SOX13: variants seen among roughly 807,000 people sequenced by gnomAD.
The protein encoded by SOX13 is SRY-box transcription factor 13, also known as transcription factor SOX-13.
SOX13 carries 28 observed loss-of-function variants against 71.8 expected under a neutral mutation model. That is an observed-to-expected ratio of 0.39 (90% CI 0.29 to 0.53). The LOEUF (loss-of-function observed/expected upper bound fraction) is 0.53. Ranked by LOEUF, SOX13 falls within the 20% of genes least tolerant of loss-of-function variation. The pLI, the probability that SOX13 is intolerant of heterozygous loss-of-function variation, is 0.70. For synonymous variants in SOX13, 309 were observed against 317.8 expected, an observed-to-expected ratio of 0.97 and a Z score of 0.29; for missense variants, 627 against 810.3, an observed-to-expected ratio of 0.77 and a Z score of 2.75.
chr1:204,098,232 C>T (rs1476782635), intron 1 of SOX13, among the ~76,000 whole-genome samples: 1 of 152,166 alleles, frequency 6.6e-6, no homozygotes, highest in Non-Finnish European at 1.5e-5. Context: ...AATCCCAGCA[C>T]CTTGGGAGGC....
chr1:204,074,169 G>C (rs542437713), intron 1 of SOX13: 4 of 152,348 alleles, frequency 2.6e-5, no homozygotes, highest in South Asian at 4.1e-4. Flanking sequence ...CCTGCGTGGG[G>C]CTCAGGTGCC....
At chr1:204,091,249 C>G (rs1656138458) in intron 1 of SOX13, among the ~76,000 whole-genome samples, 1 of 152,192 alleles carries the variant, frequency 6.6e-6, no homozygotes, top group Non-Finnish European at 1.5e-5. Flanking sequence ...AGTCGCGTTT[C>G]CTCGTCTGCC....
At chr1:204,120,479 C>A (rs538062824) in intron 7 of SOX13, among the ~76,000 whole-genome samples, 1 of 152,324 alleles carries the variant, frequency 6.6e-6, no homozygotes, top group South Asian at 2.1e-4. Context: ...AAACAGTGGC[C>A]CTCCCCAGCT....
At chr1:204,100,173 C>T (rs994395326) in intron 1 of SOX13, among the ~76,000 whole-genome samples, 4 of 152,182 alleles carry the variant, frequency 2.6e-5, no homozygotes, top group African/African-American at 7.2e-5. Context: ...TGGGGTCTTT[C>T]ACCACATACT....
intron 8 of SOX13, 62 bp downstream of exon 8, chr1:204,122,047 G>A (rs1656818192): frequency 7.9e-6 from 10 of 1,268,784 alleles, no homozygotes; most frequent in Admixed American, 1.9e-5. Context: ...CGGCTGCCGT[G>A]TTAGGGAACT....
At chr1:204,086,548 G>A (rs544284507) in intron 1 of SOX13, among the ~76,000 whole-genome samples, 2 of 152,148 alleles carry the variant, frequency 1.3e-5, no homozygotes, top group South Asian at 2.1e-4. Context: ...TGATCTGCCC[G>A]CCTCGGCCTT....
chr1:204,112,816 C>T (rs1656612724), intron 1 of SOX13, 99 bp from the exon 2 acceptor site: 2 of 896,254 alleles, frequency 2.2e-6, no homozygotes, highest in Non-Finnish European at 3.4e-6. Flanking sequence ...CACCAGGAGG[C>T]ACTTGGGTGG....
At chr1:204,087,734 A>C (rs1025671347) in intron 1 of SOX13, among the ~76,000 whole-genome samples, 1 of 152,232 alleles carries the variant, frequency 6.6e-6, no homozygotes, top group Non-Finnish European at 1.5e-5. Flanking sequence ...CCACACTGGC[A>C]GTTTTTGCTG....
At chr1:204,091,673 C>T (rs1057339870) in intron 1 of SOX13, among the ~76,000 whole-genome samples, 1 of 152,152 alleles carries the variant, frequency 6.6e-6, no homozygotes, top group Non-Finnish European at 1.5e-5. Context: ...GGCTCTGCTT[C>T]TGAGCCCTGT....
At chr1:204,088,769 C>A (rs1656075942) in intron 1 of SOX13, among the ~76,000 whole-genome samples, 1 of 152,180 alleles carries the variant, frequency 6.6e-6, no homozygotes, top group African/African-American at 2.4e-5. Flanking sequence ...CATCCCACCC[C>A]AGCGGCCACC....
rs542980448 is a variant in SOX13, at chr1:204,087,442, A to G, written c.-2+13731A>G. 1.8e-4 allele frequency among the ~76,000 whole-genome samples: 28 copies of G among 152,292 alleles called. No individual in the cohort carries two copies. The East Asian group carries it at 4.8e-3, about 26-fold the overall frequency. On this transcript the variant is annotated intron_variant, in intron 1 of 13. Transcript: ENST00000367204. ...GCTTCCCAGGGCCTGCTCCCTGTGC[A>G]TGAGGCAGTAGGCCCCCCTGTCCCA...
chr1:204,084,477 C>T (rs1404914716), intron 1 of SOX13, among the ~76,000 whole-genome samples: 2 of 152,168 alleles, frequency 1.3e-5, no homozygotes, highest in Admixed American at 1.3e-4. Flanking sequence ...CCAGCAGCCT[C>T]CAGGGCTGCC....
chr1:204,117,909 A>G (rs1656727179), intron 7 of SOX13: 2 of 583,592 alleles, frequency 3.4e-6, no homozygotes, highest in African/African-American at 3.7e-5. Flanking sequence ...GAAAAACCAT[A>G]AAGCCCTTTC....
chr1:204,092,494 T>A (rs1656167089), intron 1 of SOX13, among the ~76,000 whole-genome samples: 1 of 152,190 alleles, frequency 6.6e-6, no homozygotes, highest in African/African-American at 2.4e-5. Context: ...AGAACTTTCT[T>A]AAACCCTAGT....
chr1:204,117,300 G>T, intron 6 of SOX13, 110 bp downstream of exon 6: 1 of 950,408 alleles, frequency 1.1e-6, no homozygotes, highest in South Asian at 1.4e-5. Context: ...AGCCAGAGCA[G>T]AATCACTCAG....
intron 7 of SOX13, chr1:204,118,519 C>G (rs1172617653): frequency 1.3e-5 from 2 of 152,028 alleles, no homozygotes; most frequent in East Asian, 3.9e-4. Context: ...CACCACCATA[C>G]CTGGCTAATT....
intron 1 of SOX13, among the ~76,000 whole-genome samples, chr1:204,079,958 AG>A (rs1156460552): frequency 6.6e-6 from 1 of 152,180 alleles, no homozygotes; most frequent in African/African-American, 2.4e-5. Context: ...GGTATCTCAG[AG>A]TCCTGGGTGT....
rs777742699 is a variant in SOX13 at position 204,121,940 on chromosome 1, A to G, written c.816A>G (p.Pro272=). 1.2e-6 allele frequency: 2 copies of G among 1,612,716 alleles called. No individual in the cohort carries two copies. Among genetic ancestry groups the G allele is most frequent in the South Asian group, 2.2e-5 (2 of 91,004 alleles). The change falls in exon 8 of 14, where the codon CCA becomes CCG. Residue 272 remains proline (P), a synonymous_variant. Coordinates refer to ENST00000367204, the MANE Select transcript of SOX13 (RefSeq NM_005686.3). The stretch of plus-strand genomic sequence containing the variant: ...AGCTGCTGCACAGCCCCCCTGCCCC[A>G]GTGGTGAAGAGGCCTGGGGCCATGG... ...PLQLLHSPPA[P]VVKRPGAMAT...
Position 204,127,040 on chromosome 1 carries a change from C to G in SOX13, c.*906C>G, listed in dbSNP as rs1656935450. 1 of 153,734 alleles carries G rather than the reference C, an allele frequency of 6.5e-6. No homozygotes were observed. The highest frequency in any genetic ancestry group is 1.9e-4 in the East Asian group (1 of 5,236). 9.5% of individuals were successfully genotyped at this position (153,734 alleles called of 1,614,324 possible). A position where few individuals can be genotyped will look rare whatever the true frequency, so the allele number is the denominator to read the frequency against. On this transcript the variant is annotated 3_prime_UTR_variant, in exon 14 of 14. Coordinates refer to ENST00000367204, the MANE Select transcript of SOX13 (RefSeq NM_005686.3). ...CTTCCTGACCTCCTCCTGCCCTCCC[C>G]TTCACTCCCTCCCTGGCTCTGCCAG...
Sources: gnomAD v4.1 joint callset for allele counts (sites outside exome capture counted in the v4.1 genomes callset) on GRCh38, gnomAD v4.1.1 for gene constraint, MANE v1.5 for transcripts, NCBI Gene and HGNC (gene_info 2026-07-23, HGNC 2026-07-21) for gene names.